SYNPR: variants seen among roughly 807,000 people sequenced by gnomAD.
SYNPR encodes the protein synaptoporin.
SYNPR carries 23 observed loss-of-function variants against 32.9 expected under a neutral mutation model. The observed-to-expected ratio is 0.70, with a 90% CI of 0.50 to 0.99. The LOEUF (loss-of-function observed/expected upper bound fraction) is 0.99, where lower values mean the gene tolerates loss of function less well. Among genes scored for constraint, SYNPR ranks in the 50% least tolerant of loss-of-function variants. SYNPR has a pLI of 0.00. For missense variants in SYNPR, 318 were observed against 349.3 expected (o/e 0.91, Z 0.71); for synonymous variants, 146 against 135.9 (o/e 1.07, Z -0.52).
intron 2 of SYNPR, among the ~76,000 whole-genome samples, chr3:63,292,535 C>T (rs2106931924): frequency 6.6e-6 from 1 of 152,260 alleles, no homozygotes; most frequent in African/African-American, 2.4e-5. Context: ...AGCTATGTGA[C>T]CTTGGACACA....
chr3:63,471,365 T>A (rs1312998923), intron 2 of SYNPR, among the ~76,000 whole-genome samples: 2 of 152,218 alleles, frequency 1.3e-5, no homozygotes, highest in African/African-American at 4.8e-5. Flanking sequence ...TATCTTCACA[T>A]GAAGTTCCCA....
At chr3:63,509,135 T>C (rs1367412321) in intron 3 of SYNPR, among the ~76,000 whole-genome samples, 3 of 151,006 alleles carry the variant, frequency 2.0e-5, no homozygotes, top group South Asian at 2.1e-4. Context: ...CACACACACA[T>C]ATATGTATGG....
intron 3 of SYNPR, among the ~76,000 whole-genome samples, chr3:63,547,742 C>G (rs999359441): frequency 5.3e-5 from 8 of 152,272 alleles, no homozygotes; most frequent in African/African-American, 1.9e-4. Flanking sequence ...TAACATTGCA[C>G]TGTTTTTGTA....
At chr3:63,266,752 G>T (rs1353056981) in intron 2 of SYNPR, among the ~76,000 whole-genome samples, 1 of 151,100 alleles carries the variant, frequency 6.6e-6, no homozygotes, top group Admixed American at 6.6e-5. Flanking sequence ...TCGTGTTGTT[G>T]TAGCATCCGC....
At chr3:63,278,237 C>A, upstream of SYNPR, 1 of 369,694 alleles carries the variant, frequency 2.7e-6, no homozygotes. Context: ...TGGCCAATGA[C>A]AGCCTTCCCC....
chr3:63,563,659 A>T (rs969514760), intron 4 of SYNPR, among the ~76,000 whole-genome samples: 1 of 151,914 alleles, frequency 6.6e-6, no homozygotes, highest in African/African-American at 2.4e-5. Context: ...ATAGGTAATA[A>T]GTGTCTTCAA....
intron 2 of SYNPR, among the ~76,000 whole-genome samples, chr3:63,458,601 TG>T (rs1700526348): frequency 6.6e-6 from 1 of 152,110 alleles, no homozygotes; most frequent in Non-Finnish European, 1.5e-5. Flanking sequence ...GAATGCCACT[TG>T]CACATTCTGT....
chr3:63,225,115 C>G (rs2086118933), upstream of SYNPR, among the ~76,000 whole-genome samples: 1 of 152,186 alleles, frequency 6.6e-6, no homozygotes. Flanking sequence ...ACCTCTGAGC[C>G]CACAAAACCC....
chr3:63,342,033 A>C (rs1051777946), intron 2 of SYNPR, among the ~76,000 whole-genome samples: 1 of 152,194 alleles, frequency 6.6e-6, no homozygotes, highest in Non-Finnish European at 1.5e-5. Flanking sequence ...ATTTTTGTGG[A>C]AGTTAGGAAG....
intron 5 of SYNPR, among the ~76,000 whole-genome samples, chr3:63,613,571 C>T (rs34979903): frequency 0.15 from 18,914 of 123,856 alleles, 1,707 homozygotes; most frequent in Middle Eastern, 0.2. Context: ...TCAAGAACAT[C>T]GTCTCACTGT....
chr3:63,338,710 G>A (rs2087325344), intron 2 of SYNPR, among the ~76,000 whole-genome samples: 1 of 152,180 alleles, frequency 6.6e-6, no homozygotes, highest in Admixed American at 6.5e-5. Flanking sequence ...AGGACACATA[G>A]CTAGTGACCC....
chr3:63,576,247 A>G (rs191293127), intron 4 of SYNPR, among the ~76,000 whole-genome samples: 1 of 152,302 alleles, frequency 6.6e-6, no homozygotes, highest in African/African-American at 2.4e-5. Flanking sequence ...TCAGAATAAA[A>G]TGTTACTTGG....
intron 3 of SYNPR, among the ~76,000 whole-genome samples, chr3:63,270,627 T>C (rs563262145): frequency 2.9e-4 from 44 of 152,320 alleles, no homozygotes; most frequent in African/African-American, 1.0e-3. Flanking sequence ...TTGAGAAATA[T>C]TGACTTCATA....
intron 2 of SYNPR, among the ~76,000 whole-genome samples, chr3:63,320,398 A>G (rs886847770): frequency 1.3e-5 from 2 of 152,106 alleles, no homozygotes; most frequent in African/African-American, 4.8e-5. Context: ...TTTTGAAAAC[A>G]TTCCTATTCC....
chr3:63,525,627 A>G (rs994828064), intron 3 of SYNPR, among the ~76,000 whole-genome samples: 9 of 152,196 alleles, frequency 5.9e-5, no homozygotes, highest in African/African-American at 2.2e-4. Flanking sequence ...CTCATTCCAT[A>G]AAAACATAAA....
upstream of SYNPR, among the ~76,000 whole-genome samples, chr3:63,274,665 A>G (rs1199219519): frequency 6.6e-6 from 1 of 152,232 alleles, no homozygotes; most frequent in Admixed American, 6.5e-5. Context: ...GAACAGTACC[A>G]GGGCACAATA....
At chr3:63,206,090 A>G in the SYNPR span, among the ~76,000 whole-genome samples, 5 of 152,034 alleles carry the variant, frequency 3.3e-5, no homozygotes, top group Admixed American at 6.6e-5. Context: ...CTTGTATGCA[A>G]TCTAGTCCTG....
chr3:63,332,439 C>T (rs2087240569), intron 2 of SYNPR, among the ~76,000 whole-genome samples: 1 of 152,264 alleles, frequency 6.6e-6, no homozygotes, highest in African/African-American at 2.4e-5. Context: ...CCATGAGGGC[C>T]AAAATATATC....
At chr3:63,203,996 A>G in the SYNPR span, among the ~76,000 whole-genome samples, 4 of 152,008 alleles carry the variant, frequency 2.6e-5, no homozygotes, top group African/African-American at 9.7e-5. Context: ...GCAAAACTCC[A>G]TCTCAAAAAC....
Sources: allele counts gnomAD v4.1 joint callset (sites outside exome capture counted in the v4.1 genomes callset), GRCh38; gene constraint gnomAD v4.1.1; transcripts MANE v1.5; gene names NCBI Gene and HGNC (gene_info 2026-07-23, HGNC 2026-07-21).